RYR2: variants seen among roughly 807,000 people sequenced by gnomAD.
RYR2 encodes the protein ryanodine receptor 2.
Under a neutral mutation model 601.1 loss-of-function variants are expected in RYR2, and 227 were observed. The observed-to-expected ratio is 0.38, with a 90% confidence interval of 0.34 to 0.42. RYR2 has a LOEUF of 0.42. RYR2 is among the 10% of genes least tolerant of loss of function. The probability of loss-of-function intolerance (pLI) is 1.00; values close to 1 mark genes in which losing one functional copy is unlikely to be tolerated. For synonymous variants in RYR2, 2,223 were observed against 2,175.1 expected, an observed-to-expected ratio of 1.02 and a Z score of -0.61; for missense variants, 4,646 against 6,156.5, an observed-to-expected ratio of 0.75 and a Z score of 8.21.
In RYR2 at chr1:237,308,782, G is replaced by A. The variant is rs546066724; in HGVS notation, c.169-22096G>A. The stretch of plus-strand genomic sequence containing the variant: ...ACAAAGCTTCTACACCGTGGAAAGG[G>A]ACCTGAGCAGGTTGCCTCTGCTGGC... On this transcript the variant is annotated intron_variant, in intron 2 of 104. Coordinates refer to ENST00000366574, the MANE Select transcript of RYR2 (RefSeq NM_001035.3). Among the ~76,000 whole-genome samples the A allele has an allele frequency of 6.6e-4, 101 of 152,318 alleles. No homozygotes were observed. The Middle Eastern group carries it at 0.01, about 15-fold the overall frequency.
intron 1 of RYR2, among the ~76,000 whole-genome samples, chr1:237,161,526 G>A (rs2485594): frequency 0.57 from 84,721 of 149,462 alleles, 24,943 homozygotes; most frequent in Non-Finnish European, 0.65. Flanking sequence ...TTACATAAGG[G>A]ATATATAATT....
At chr1:237,594,401 A>G (rs1306101492) in intron 33 of RYR2, among the ~76,000 whole-genome samples, 2 of 152,190 alleles carry the variant, frequency 1.3e-5, no homozygotes, top group Non-Finnish European at 2.9e-5. Flanking sequence ...GTTGTAACAT[A>G]TGAAGCATAA....
Position 237,699,014 on chromosome 1 carries a change from T to G in RYR2, c.9117T>G (p.Thr3039=). 6.6e-7 allele frequency: 1 copy of G among 1,526,188 alleles called. No homozygotes were observed. Among genetic ancestry groups the G allele is most frequent in the Non-Finnish European group, 8.9e-7 (1 of 1,119,708 alleles). The allele number at this position is 1,526,188 out of a possible 1,614,324, so 94.5% of individuals were successfully genotyped here. A position where few individuals can be genotyped will look rare whatever the true frequency, so the allele number is the denominator to read the frequency against. The stretch of plus-strand genomic sequence containing the variant: ...ACTGTCTTCATATTTTGGGTCAGAC[T>G]TTGGATGCAAGGTAAATGGATACAT... ...IVNCLHILGQ[T]LDARTVMKTG... Residue 3039 remains threonine (T), a synonymous_variant, in exon 64 of 105, where the codon ACT becomes ACG. Transcript: ENST00000366574.
intron 58 of RYR2, among the ~76,000 whole-genome samples, chr1:237,671,130 C>T (rs931122487): frequency 2.0e-5 from 3 of 152,106 alleles, no homozygotes; most frequent in Admixed American, 6.6e-5. Context: ...AATTAGTCCT[C>T]GCAGTCTTTA....
At chr1:237,714,492 C>T (rs1689096171) in intron 71 of RYR2, among the ~76,000 whole-genome samples, 1 of 152,052 alleles carries the variant, frequency 6.6e-6, no homozygotes, top group African/African-American at 2.4e-5. Flanking sequence ...TTTATGCAGC[C>T]ATAGCACTGT....
In RYR2 at chr1:237,610,324, A is replaced by G. The variant is rs1677695625; in HGVS notation, c.4684-438A>G. ...TCTGGCTAGAGGAAGTGTCTTAAGGACGAGTTGGGTGACAGAGAACAGATA... is the reference window on the plus strand; with the variant it reads ...TCTGGCTAGAGGAAGTGTCTTAAGGGCGAGTTGGGTGACAGAGAACAGATA... On this transcript the variant is annotated intron_variant, in intron 35 of 104. Transcript: ENST00000366574. The surrounding 1 kb of genome is among the most constrained non-coding windows in gnomAD (Gnocchi z 4.9). Among the ~76,000 whole-genome samples the G allele has an allele frequency of 6.6e-6, 1 of 152,170 alleles. No homozygotes were observed. Among genetic ancestry groups the G allele is most frequent in the African/African-American group, 2.4e-5 (1 of 41,440 alleles).
At chr1:237,792,362 TGTGTGTGTGTGTGTGTGTGC>T (rs1389748046) in intron 94 of RYR2, 39 bp downstream of exon 94, 17 of 869,536 alleles carry the variant, frequency 2.0e-5, no homozygotes, top group African/African-American at 1.6e-4. Flanking sequence ...TGTGTGTGTG[TGTGTGTGTGTGTGTGTGTGC>T]GTGTGTGTGT....
At chr1:237,224,386 T>C (rs1329117651) in intron 1 of RYR2, among the ~76,000 whole-genome samples, 1 of 152,208 alleles carries the variant, frequency 6.6e-6, no homozygotes, top group Non-Finnish European at 1.5e-5. Flanking sequence ...TTAGTTAAGG[T>C]TTTGAAAAGT....
chr1:237,536,543 T>C (rs1355606123), intron 25 of RYR2, among the ~76,000 whole-genome samples: 2 of 151,322 alleles, frequency 1.3e-5, no homozygotes, highest in African/African-American at 2.4e-5. Flanking sequence ...TGAAACCCCG[T>C]CTCTAATAAA....
At chr1:237,611,114 T>G (rs994497459) in intron 36 of RYR2, 126 bp downstream of exon 36, 49 of 734,690 alleles carry the variant, frequency 6.7e-5, no homozygotes, top group Admixed American at 1.7e-4. Flanking sequence ...TACAAAGATC[T>G]AAATTCTTTA....
intron 8 of RYR2, 68 bp from the exon 9 acceptor site, chr1:237,387,213 C>T: frequency 7.2e-7 from 1 of 1,385,266 alleles, no homozygotes; most frequent in Non-Finnish European, 1.0e-6. Context: ...GTTTGCATTC[C>T]TAGAAGCACT....
intron 79 of RYR2, 59 bp from the exon 80 acceptor site, chr1:237,742,237 G>C: frequency 8.8e-7 from 1 of 1,136,126 alleles, no homozygotes; most frequent in South Asian, 1.5e-5. Context: ...ATGTTCTTTT[G>C]CACTTTCTAA....
chr1:237,420,900 A>G (rs1705491326), intron 11 of RYR2, among the ~76,000 whole-genome samples: 1 of 147,028 alleles, frequency 6.8e-6, no homozygotes, highest in African/African-American at 2.4e-5. Context: ...TATTAAACAT[A>G]TTTCCAAATA....
At chr1:237,809,084 C>T (rs1221261098) in intron 100 of RYR2, 49 bp downstream of exon 100, 1 of 1,524,828 alleles carries the variant, frequency 6.6e-7, no homozygotes, top group Admixed American at 1.7e-5. Context: ...TCTCCTGCTT[C>T]TGCAGTCTAA....
At chr1:237,637,693 C>A (rs1184852858) in intron 44 of RYR2, among the ~76,000 whole-genome samples, 1 of 152,138 alleles carries the variant, frequency 6.6e-6, no homozygotes, top group African/African-American at 2.4e-5. Context: ...TCATATAGAT[C>A]TTTTAATATC....
At chr1:237,696,717 C>A (rs112463077) in intron 63 of RYR2, among the ~76,000 whole-genome samples, 1 of 151,344 alleles carries the variant, frequency 6.6e-6, no homozygotes, top group African/African-American at 2.4e-5. Context: ...TCAGTGGTGC[C>A]GCCTTTCACC....
intron 19 of RYR2, 86 bp downstream of exon 19, chr1:237,493,173 G>A: frequency 6.9e-7 from 1 of 1,456,928 alleles, no homozygotes; most frequent in Non-Finnish European, 9.5e-7. Flanking sequence ...TATATGGTCT[G>A]TTTTTTAAAT....
chr1:237,088,610 C>T (rs1460605108), intron 1 of RYR2, among the ~76,000 whole-genome samples: 1 of 152,274 alleles, frequency 6.6e-6, no homozygotes, highest in Non-Finnish European at 1.5e-5. Flanking sequence ...ATTTATCATT[C>T]TTCCATGTTT....
intron 1 of RYR2, among the ~76,000 whole-genome samples, chr1:237,255,722 G>A (rs1427311659): frequency 6.6e-6 from 1 of 152,074 alleles, no homozygotes; most frequent in African/African-American, 2.4e-5. Context: ...GATCATATGG[G>A]CACATTGATC....
Sources: allele counts gnomAD v4.1 joint callset (sites outside exome capture counted in the v4.1 genomes callset), GRCh38; gene constraint gnomAD v4.1.1; non-coding constraint Gnocchi (gnomAD v3.1); transcripts MANE v1.5; gene names NCBI Gene and HGNC (gene_info 2026-07-23, HGNC 2026-07-21).